Variants in OR4C6 observed in about 807,000 individuals in gnomAD.
The protein encoded by OR4C6 is olfactory receptor family 4 subfamily C member 6, also known as olfactory receptor 4C6.
In OR4C6, 20 loss-of-function variants were observed where a neutral mutation model predicts 13.9. The observed-to-expected ratio is 1.43, with a 90% confidence interval of 1.01 to 2.08. The LOEUF (loss-of-function observed/expected upper bound fraction) is 2.08. OR4C6 is among the 30% of genes most tolerant of loss of function. The pLI is 0.00. For synonymous variants in OR4C6, 193 were observed against 141.5 expected (o/e 1.36, Z -2.58); for missense variants, 555 against 381.2 (o/e 1.46, Z -3.80).
Position 55,665,962 on chromosome 11 carries a change from G to A in OR4C6, c.796G>A (p.Asp266Asn), listed in dbSNP as rs763652684. The change falls in exon 2 of 2, where the codon GAC (aspartate) becomes AAC (asparagine). Residue 266 changes from aspartate to asparagine, a missense_variant. Physicochemically the swap from Asp to Asn is conservative, Grantham distance 23. Coordinates refer to ENST00000314259, the MANE Select transcript of OR4C6 (RefSeq NM_001004704.2). Reference protein sequence around the residue: ...YMRPVVTHPIDKAMAVSDSII... With the variant: ...YMRPVVTHPINKAMAVSDSII... ...GAGGCCTGTGGTCACTCACCCCATA[G>A]ACAAGGCAATGGCTGTGTCAGACTC... 1.2e-6 allele frequency: 2 copies of A among 1,613,856 alleles called. No homozygotes were observed. The highest frequency in any genetic ancestry group is 2.2e-5 in the East Asian group (1 of 44,850).
rs149101016 is a variant in OR4C6, at chr11:55,665,362, C to T, written c.196C>T (p.Leu66Phe). ...GTATTTTTTTCTTACCTTCTTGTCC[C>T]TTTTGGATGTCATGTTCTCATCTGT... Reference protein sequence around the residue: ...PMYFFLTFLSLLDVMFSSVVA... With the variant: ...PMYFFLTFLSFLDVMFSSVVA... The change falls in exon 2 of 2, where the codon CTT becomes TTT. Residue 66 changes from leucine to phenylalanine, a missense_variant. By Grantham distance (22) the Leu-to-Phe change is conservative (BLOSUM62 0). Transcript: ENST00000314259. The T allele has an allele frequency of 8.7e-6, 14 of 1,613,476 alleles. No individual in the cohort carries two copies. The highest frequency in any genetic ancestry group is 1.3e-5 in the African/African-American group (1 of 74,704).
chr11:55,665,044 C>G, intron 1 of OR4C6, 81 bp from the exon 2 acceptor site: 1 of 644,822 alleles, frequency 1.6e-6, no homozygotes. Flanking sequence ...TGGGTAAAAA[C>G]AAAGAACAAA....
rs747263436 is a variant in OR4C6 at position 55,665,434 on chromosome 11, A to T, written c.268A>T (p.Ile90Phe). The T allele has an allele frequency of 6.2e-7, 1 of 1,613,752 alleles. No individual in the cohort carries two copies. The highest frequency in any genetic ancestry group is 1.1e-5 in the South Asian group (1 of 91,072). Residue 90 changes from isoleucine to phenylalanine, a missense_variant, in exon 2 of 2, where the codon ATC becomes TTC. Coordinates refer to ENST00000314259, the MANE Select transcript of OR4C6 (RefSeq NM_001004704.2). Reference sequence around the variant, plus strand: ...AGACACCCTCTCCAAGAGCACTACCATCTCTCTCAAAGGCTGCCTCACCCA... The same window carrying T: ...AGACACCCTCTCCAAGAGCACTACCTTCTCTCTCAAAGGCTGCCTCACCCA... ...IVDTLSKSTT[I>F]SLKGCLTQLF...
rs928122043 is a variant in OR4C6, at chr11:55,665,106, T to C, written c.-42-19T>C. The C allele has an allele frequency of 5.7e-6, 6 of 1,053,714 alleles. No individual in the cohort carries two copies. The highest frequency in any genetic ancestry group is 2.4e-5 in the East Asian group (1 of 42,222). 65.3% of individuals were successfully genotyped at this position (1,053,714 alleles called of 1,614,324 possible). A position where few individuals can be genotyped will look rare whatever the true frequency, so the allele number is the denominator to read the frequency against. On this transcript the variant is annotated intron_variant, in intron 1 of 1. Transcript: ENST00000314259. ...AGCCAAATTAGTCACTAATTATAAATCATATCTTGCTTATTTAGGATTCTC... is the reference window on the plus strand; with the variant it reads ...AGCCAAATTAGTCACTAATTATAAACCATATCTTGCTTATTTAGGATTCTC...
chr11:55,666,066 G>C lies in OR4C6; in HGVS notation c.900G>C (p.Trp300Cys), dbSNP rs752969636. 1.9e-6 allele frequency: 3 copies of C among 1,612,710 alleles called. No homozygotes were observed. The South Asian group carries it at 3.3e-5, about 18-fold the overall frequency. ...AEVKSAMKKLWMKWEALAGK is the reference protein window; with the variant it reads ...AEVKSAMKKLCMKWEALAGK ...TGAAAAGTGCCATGAAGAAACTCTG[G>C]ATGAAATGGGAGGCTTTGGCTGGGA... Residue 300 changes from tryptophan (W) to cysteine (C), a missense_variant, in exon 2 of 2, where the codon TGG becomes TGC. Transcript: ENST00000314259.
rs1858748880 is a variant in OR4C6, at chr11:55,666,065, G to A, written c.899G>A (p.Trp300Ter). Residue 300 changes from tryptophan to a stop codon, truncating the protein, a stop_gained, in exon 2 of 2, where the codon TGG (tryptophan) becomes TAG (stop). Transcript: ENST00000314259. LOFTEE classifies it high-confidence loss of function. ...AEVKSAMKKL[W>*]MKWEALAGK ...GTGAAAAGTGCCATGAAGAAACTCT[G>A]GATGAAATGGGAGGCTTTGGCTGGG... 6.2e-7 allele frequency: 1 copy of A among 1,612,524 alleles called. No homozygotes were observed. The highest frequency in any genetic ancestry group is 1.3e-5 in the African/African-American group (1 of 74,738).
chr11:55,665,897 T>A lies in OR4C6; in HGVS notation c.731T>A (p.Val244Glu). 1 of 1,613,850 alleles carries A rather than the reference T, an allele frequency of 6.2e-7. No individual in the cohort carries two copies. Among genetic ancestry groups the A allele is most frequent in the East Asian group, 2.2e-5 (1 of 44,846 alleles). Reference sequence around the variant, plus strand: ...TCTACCTGCAGCTCCCACCTCACGGTGGTTGTATTGTTCTTTGTCCCCTGT... The same window carrying A: ...TCTACCTGCAGCTCCCACCTCACGGAGGTTGTATTGTTCTTTGTCCCCTGT... ...ALSTCSSHLT[V>E]VVLFFVPCIF... Residue 244 changes from valine to glutamate, a missense_variant, in exon 2 of 2, where the codon GTG (valine) becomes GAG (glutamate). Val to Glu is a moderately radical substitution (Grantham distance 121). Transcript: ENST00000314259.
chr11:55,663,054 T>A (rs295603), intron 1 of OR4C6, among the ~76,000 whole-genome samples: 2,549 of 138,558 alleles, frequency 0.018, 502 homozygotes, highest in Middle Eastern at 0.03. Flanking sequence ...CTTTCACTAA[T>A]TGTGCTGTTG....
At chr11:55,664,981 A>T in intron 1 of OR4C6, 144 bp from the exon 2 acceptor site, 1 of 531,260 alleles carries the variant, frequency 1.9e-6, no homozygotes, top group Non-Finnish European at 3.3e-6. Flanking sequence ...TTTCCCTTTT[A>T]AATTATTTAT....
chr11:55,665,219 AC>A lies in OR4C6; in HGVS notation c.55del (p.Leu19TrpfsTer16), dbSNP rs757390773. 8 of 1,613,338 alleles carry A rather than the reference AC, an allele frequency of 5.0e-6. No homozygotes were observed. The African/African-American group carries it at 9.4e-5, about 19-fold the overall frequency. On this transcript the variant is annotated frameshift_variant, in exon 2 of 2. Coordinates refer to ENST00000314259, the MANE Select transcript of OR4C6 (RefSeq NM_001004704.2). LOFTEE classifies it high-confidence loss of function. ...TTCATTCTTCTGGGTCTCACAGAGA[AC>A]CTGGAGCTGTGGAAAATATTTTCTG... ...TEFILLGLTE[N>X]LELWKIFSAV...
rs1858718893 is a variant in OR4C6, at chr11:55,665,079, GA to G, written c.-42-44del. 2.4e-6 allele frequency: 2 copies of G among 835,222 alleles called. 1 individual carries two copies. Among genetic ancestry groups the G allele is most frequent in the African/African-American group, 3.4e-5 (2 of 58,336 alleles). The allele number at this position is 835,222 out of a possible 1,614,324, so 51.7% of individuals were successfully genotyped here. The stretch of plus-strand genomic sequence containing the variant: ...ATTCCCTGAGGTCCTGGAAATACAA[GA>G]AGCCAAATTAGTCACTAATTATAAA... On this transcript the variant is annotated intron_variant, in intron 1 of 1. Transcript: ENST00000314259.
intron 1 of OR4C6, among the ~76,000 whole-genome samples, chr11:55,662,701 T>G (rs1858685803): frequency 7.2e-6 from 1 of 138,190 alleles, no homozygotes; most frequent in South Asian, 2.4e-4. Context: ...GCCTGGACTT[T>G]ACAGACATGT....
In OR4C6 at chr11:55,665,418, C is replaced by T; in HGVS notation, c.252C>T (p.Leu84=). 1.2e-6 allele frequency: 2 copies of T among 1,613,854 alleles called. No individual in the cohort carries two copies. Among genetic ancestry groups the T allele is most frequent in the Non-Finnish European group, 8.5e-7 (1 of 1,179,958 alleles). Residue 84 remains leucine (L), a synonymous_variant, in exon 2 of 2, where the codon CTC becomes CTT. Coordinates refer to ENST00000314259, the MANE Select transcript of OR4C6 (RefSeq NM_001004704.2). Reference sequence around the variant, plus strand: ...CCCCCAAGGTGATTGTAGACACCCTCTCCAAGAGCACTACCATCTCTCTCA... The same window carrying T: ...CCCCCAAGGTGATTGTAGACACCCTTTCCAAGAGCACTACCATCTCTCTCA... ...VVAPKVIVDT[L]SKSTTISLKG...
Position 55,666,039 on chromosome 11 carries a change from G to T in OR4C6, c.873G>T (p.Glu291Asp). 1.2e-6 allele frequency: 2 copies of T among 1,613,794 alleles called. No individual in the cohort carries two copies. The highest frequency in any genetic ancestry group is 1.7e-6 in the Non-Finnish European group (2 of 1,179,928). Residue 291 changes from glutamate (E) to aspartate (D), a missense_variant, in exon 2 of 2, where the codon GAG (glutamate) becomes GAT (aspartate). Physicochemically the swap from Glu to Asp is conservative, Grantham distance 45 (BLOSUM62 2). Transcript: ENST00000314259. The stretch of plus-strand genomic sequence containing the variant: ...TGATCTATACACTGAGGAATGCAGA[G>T]GTGAAAAGTGCCATGAAGAAACTCT... Reference protein sequence around the residue: ...NPLIYTLRNAEVKSAMKKLWM... With the variant: ...NPLIYTLRNADVKSAMKKLWM...
chr11:55,664,568 G>T (rs1296399410), intron 1 of OR4C6, among the ~76,000 whole-genome samples: 1 of 152,018 alleles, frequency 6.6e-6, no homozygotes, highest in Non-Finnish European at 1.5e-5. Flanking sequence ...TTTAAGATAA[G>T]CAGGATAATA....
At position 55,663,409 on chromosome 11, in the gene OR4C6, C is replaced by T. The variant is rs949475658; in HGVS notation, c.-43+1161C>T. On this transcript the variant is annotated intron_variant, in intron 1 of 1. Transcript: ENST00000314259. ...ACAGGGCATATATATTCTAGAATAG[C>T]GGCTTTCATTTTTCTGAACATGAAA... 3.8e-4 allele frequency among the ~76,000 whole-genome samples: 52 copies of T among 137,838 alleles called. 12 individuals carry two copies. Among genetic ancestry groups the T allele is most frequent in the Non-Finnish European group, 9.7e-5 (6 of 62,138 alleles). 90.4% of individuals were successfully genotyped at this position (137,838 alleles called of 152,430 possible).
Position 55,663,415 on chromosome 11 carries a change from T to A in OR4C6, c.-43+1167T>A, listed in dbSNP as rs1364697087. Among the ~76,000 whole-genome samples the A allele has an allele frequency of 1.4e-5, 2 of 137,976 alleles. 1 individual carries two copies. Among genetic ancestry groups the A allele is most frequent in the Non-Finnish European group, 3.2e-5 (2 of 62,198 alleles). The allele number at this position is 137,976 out of a possible 152,430, so 90.5% of individuals were successfully genotyped here. A position where few individuals can be genotyped will look rare whatever the true frequency, so the allele number is the denominator to read the frequency against. On this transcript the variant is annotated intron_variant, in intron 1 of 1. Transcript: ENST00000314259. Reference sequence around the variant, plus strand: ...CATATATATTCTAGAATAGCGGCTTTCATTTTTCTGAACATGAAATGAACA... The same window carrying A: ...CATATATATTCTAGAATAGCGGCTTACATTTTTCTGAACATGAAATGAACA...
chr11:55,664,947 G>T lies in OR4C6; in HGVS notation c.-42-178G>T, dbSNP rs1565078358. Among the ~76,000 whole-genome samples the T allele has an allele frequency of 2.6e-5, 4 of 152,072 alleles. No individual in the cohort carries two copies. In the East Asian group the frequency reaches 7.7e-4, roughly 29 times the overall value. The stretch of plus-strand genomic sequence containing the variant: ...TTAGAAAGGGAGGAGAAAAGGCTTG[G>T]GGAAGCCTTGCATAAATAAAGTATT... On this transcript the variant is annotated intron_variant, in intron 1 of 1. Transcript: ENST00000314259.
At position 55,665,562 on chromosome 11, in the gene OR4C6, C is replaced by T; in HGVS notation, c.396C>T (p.Ile132=). The change falls in exon 2 of 2, where the codon ATC becomes ATT. Residue 132 remains isoleucine (I), a synonymous_variant. Transcript: ENST00000314259. ...TCTGTAAGCCCCTGCACTACACGAT[C>T]ATCATGAGTCCACGGGTGTGCTGCC... ...VAICKPLHYT[I]IMSPRVCCLM... 1 of 1,613,886 alleles carries T rather than the reference C, an allele frequency of 6.2e-7. No individual in the cohort carries two copies. The highest frequency in any genetic ancestry group is 1.1e-5 in the South Asian group (1 of 91,082).
Sources: gnomAD v4.1 joint callset for allele counts (sites outside exome capture counted in the v4.1 genomes callset) on GRCh38, gnomAD v4.1.1 for gene constraint, MANE v1.5 for transcripts, NCBI Gene and HGNC (gene_info 2026-07-23, HGNC 2026-07-21) for gene names.